RAB38: variants seen among roughly 807,000 people sequenced by gnomAD.
RAB38 encodes ras-related protein Rab-38.
In RAB38, 15 loss-of-function variants were observed where a neutral mutation model predicts 18.4. That is an observed-to-expected ratio of 0.82 (90% CI 0.55 to 1.26). The LOEUF is 1.26. RAB38 is among the 50% of genes most tolerant of loss of function. RAB38 has a pLI of 0.00. For missense variants in RAB38, 294 were observed against 267.4 expected (o/e 1.10, Z -0.69); for synonymous variants, 101 against 104.4 (o/e 0.97, Z 0.20).
chr11:87,893,391 T>TATATATATATATATATATA, the RAB38 span, among the ~76,000 whole-genome samples: 35 of 6,678 alleles, frequency 5.2e-3, 1 homozygote, highest in South Asian at 0.033. Context: ...TATATATATA[T>TATATATATATATATATATA]TTTTTTTTTA....
chr11:88,043,582 C>T, the RAB38 span, among the ~76,000 whole-genome samples: 2 of 150,722 alleles, frequency 1.3e-5, no homozygotes, highest in African/African-American at 4.9e-5. Flanking sequence ...CTCAAAAGCT[C>T]CCCCACTGAG....
the RAB38 span, among the ~76,000 whole-genome samples, chr11:88,092,334 G>GAC: frequency 2.7e-5 from 1 of 36,822 alleles, no homozygotes; most frequent in South Asian, 1.2e-3. Context: ...GGCAGAGAGA[G>GAC]AGAGAGAGAG....
chr11:87,806,683 A>G, the RAB38 span, among the ~76,000 whole-genome samples: 1 of 152,246 alleles, frequency 6.6e-6, no homozygotes, highest in Non-Finnish European at 1.5e-5. Flanking sequence ...ACTACCAGAT[A>G]TAACTGAAAA....
the RAB38 span, among the ~76,000 whole-genome samples, chr11:88,044,480 A>C: frequency 0.61 from 92,823 of 151,730 alleles, 28,702 homozygotes; most frequent in East Asian, 0.75. Flanking sequence ...TCTTCAACTC[A>C]CATCTGACCT....
At chr11:87,945,844 A>G in the RAB38 span, among the ~76,000 whole-genome samples, 2 of 152,196 alleles carry the variant, frequency 1.3e-5, no homozygotes, top group African/African-American at 4.8e-5. Context: ...GACATAATGA[A>G]TATAACTGAG....
the RAB38 span, among the ~76,000 whole-genome samples, chr11:88,095,903 T>C: frequency 6.6e-6 from 1 of 151,870 alleles, no homozygotes; most frequent in Non-Finnish European, 1.5e-5. Context: ...GGTTCTGCTT[T>C]TGAGTCAACA....
rs117111925 is a variant in RAB38, at chr11:88,130,737, T to C, written c.484-16597A>G. ...ATTATTTAATTACACTAAATAAGAA[T>C]AGTTTCTCAGGTGGTAGTATAGGAC... On this transcript the variant is annotated intron_variant, in intron 2 of 2. Transcript: ENST00000243662. 6.7e-3 allele frequency among the ~76,000 whole-genome samples: 1,025 copies of C among 152,302 alleles called. 7 individuals are homozygous for C. Among genetic ancestry groups the C allele is most frequent in the Non-Finnish European group, 0.011 (764 of 68,018 alleles).
At chr11:88,133,720 G>A (rs1312502896) in intron 2 of RAB38, among the ~76,000 whole-genome samples, 2 of 152,124 alleles carry the variant, frequency 1.3e-5, no homozygotes, top group Non-Finnish European at 2.9e-5. Context: ...AACCAATGAT[G>A]TATAATCTGA....
chr11:88,076,192 A>G, the RAB38 span, among the ~76,000 whole-genome samples: 13 of 151,938 alleles, frequency 8.6e-5, no homozygotes, highest in Non-Finnish European at 2.9e-5. Flanking sequence ...ACAAACAACT[A>G]TATACCAATA....
At chr11:87,824,356 G>T in the RAB38 span, among the ~76,000 whole-genome samples, 1 of 152,068 alleles carries the variant, frequency 6.6e-6, no homozygotes, top group Non-Finnish European at 1.5e-5. Context: ...ATACCCCAAG[G>T]TGCAAATCAA....
chr11:87,853,367 G>T, the RAB38 span, among the ~76,000 whole-genome samples: 1 of 152,172 alleles, frequency 6.6e-6, no homozygotes, highest in Admixed American at 6.6e-5. Context: ...AGAATAGGAA[G>T]AGGTAAGAGC....
downstream of RAB38, among the ~76,000 whole-genome samples, chr11:88,112,176 C>T (rs998875606): frequency 6.6e-6 from 1 of 152,176 alleles, no homozygotes; most frequent in Non-Finnish European, 1.5e-5. Flanking sequence ...TACATTACTA[C>T]TAATATTTAC....
chr11:88,072,286 A>G, the RAB38 span, among the ~76,000 whole-genome samples: 1 of 152,366 alleles, frequency 6.6e-6, no homozygotes. Context: ...TGTGTTCATC[A>G]GCAGACTGGA....
chr11:87,953,960 A>C, the RAB38 span, among the ~76,000 whole-genome samples: 2 of 152,024 alleles, frequency 1.3e-5, no homozygotes, highest in African/African-American at 4.8e-5. Context: ...GTAAATCTAC[A>C]AAATTTGAAC....
At chr11:88,153,516 C>A (rs904708007) in intron 1 of RAB38, among the ~76,000 whole-genome samples, 5 of 152,188 alleles carry the variant, frequency 3.3e-5, no homozygotes, top group African/African-American at 1.2e-4. Flanking sequence ...CCACCTCAGC[C>A]CCTCATTGCT....
the RAB38 span, among the ~76,000 whole-genome samples, chr11:87,972,425 C>A: frequency 6.6e-6 from 1 of 151,876 alleles, no homozygotes; most frequent in South Asian, 2.1e-4. Flanking sequence ...AGCACTGACA[C>A]CCACGCTTAT....
the RAB38 span, among the ~76,000 whole-genome samples, chr11:87,933,207 G>C: frequency 2.0e-5 from 3 of 152,212 alleles, no homozygotes; most frequent in South Asian, 6.2e-4. Context: ...TAGTACTCAG[G>C]TAGAGATGCT....
At chr11:88,108,389 T>C (rs1435964891), downstream of RAB38, among the ~76,000 whole-genome samples, 1 of 152,198 alleles carries the variant, frequency 6.6e-6, no homozygotes, top group East Asian at 1.9e-4. Context: ...TCTTTGTCTT[T>C]TTTGATATTT....
the RAB38 span, among the ~76,000 whole-genome samples, chr11:87,821,922 A>G: frequency 6.6e-6 from 1 of 152,096 alleles, no homozygotes; most frequent in South Asian, 2.1e-4. Flanking sequence ...TAATAATATT[A>G]TATAAGCTGG....
Sources: gnomAD v4.1 joint callset for allele counts (sites outside exome capture counted in the v4.1 genomes callset) on GRCh38, gnomAD v4.1.1 for gene constraint, MANE v1.5 for transcripts, NCBI Gene and HGNC (gene_info 2026-07-23, HGNC 2026-07-21) for gene names.